ANKRD36: variants seen among roughly 807,000 people sequenced by gnomAD.
ANKRD36 encodes ankyrin repeat domain-containing protein 36A.
A neutral mutation model predicts 278.1 loss-of-function variants in ANKRD36; 179 were observed. The observed-to-expected ratio is 0.64, with a 90% confidence interval of 0.57 to 0.73. The LOEUF (loss-of-function observed/expected upper bound fraction) is 0.73. Ranked by LOEUF, ANKRD36 falls within the 30% of genes least tolerant of loss-of-function variation. The probability of loss-of-function intolerance (pLI) is 0.00; values close to 1 mark genes in which losing one functional copy is unlikely to be tolerated. For synonymous variants in ANKRD36, 320 were observed against 641.1 expected, an observed-to-expected ratio of 0.50 and a Z score of 7.57; for missense variants, 1,159 against 1,956.7, an observed-to-expected ratio of 0.59 and a Z score of 7.69.
rs774857956 is a variant in ANKRD36 at position 97,205,968 on chromosome 2, G to A, written c.3090G>A (p.Lys1030=). The change falls in exon 51 of 76, where the codon AAG becomes AAA. Residue 1030 remains lysine (K), a splice_region_variant and synonymous_variant. Transcript: ENST00000420699. ...TVSSQKPPTL[K]ATSDEEDSVL... is the part of the protein sequence containing the mutation. Reference sequence around the variant, plus strand: ...CTTCTCAGAAACCACCAACCTTGAAGGTAATGAAACTCCCATTTATATTGT... The same window carrying A: ...CTTCTCAGAAACCACCAACCTTGAAAGTAATGAAACTCCCATTTATATTGT... 2.6e-5 allele frequency: 41 copies of A among 1,555,656 alleles called. No homozygotes were observed. In the East Asian group the frequency reaches 9.7e-4, roughly 37 times the overall value.
In ANKRD36 at chr2:97,182,453, A is replaced by C. The variant is rs565476946; in HGVS notation, c.1837+660A>C. 3.8e-4 allele frequency among the ~76,000 whole-genome samples: 56 copies of C among 147,826 alleles called. 1 individual carries two copies. The highest frequency in any genetic ancestry group is 3.4e-3 in the Middle Eastern group (1 of 292). The stretch of plus-strand genomic sequence containing the variant: ...CCTCTTTGTTACTGTTGGGCATCAG[A>C]GATATACGTTTTGTTGATATTAGTT... On this transcript the variant is annotated intron_variant, in intron 26 of 75. Transcript: ENST00000420699.
chr2:97,190,609 C>A (rs2058312815), intron 34 of ANKRD36, among the ~76,000 whole-genome samples: 1 of 151,516 alleles, frequency 6.6e-6, no homozygotes, highest in African/African-American at 2.4e-5. Context: ...GCATGAAAGA[C>A]ATGTGGGATC....
intron 36 of ANKRD36, 129 bp downstream of exon 36, chr2:97,191,310 T>A: frequency 8.7e-7 from 1 of 1,148,762 alleles, no homozygotes; most frequent in Non-Finnish European, 1.2e-6. Context: ...GATTCTTCAT[T>A]TGCAGTAAGT....
At chr2:97,228,269 A>T (rs1429472957) in intron 67 of ANKRD36, among the ~76,000 whole-genome samples, 6 of 151,772 alleles carry the variant, frequency 4.0e-5, no homozygotes, top group African/African-American at 7.3e-5. Flanking sequence ...CTGGTCCTGG[A>T]CTCTTTTTGG....
At chr2:97,150,607 G>C (rs1165730272) in intron 12 of ANKRD36, among the ~76,000 whole-genome samples, 1 of 151,898 alleles carries the variant, frequency 6.6e-6, no homozygotes, top group African/African-American at 2.4e-5. Context: ...TGTTGAGAAT[G>C]TATAAGTTGA....
At chr2:97,196,164 A>G (rs1575659141) in intron 40 of ANKRD36, among the ~76,000 whole-genome samples, 1 of 151,998 alleles carries the variant, frequency 6.6e-6, no homozygotes, top group African/African-American at 2.4e-5. Context: ...GGCATGTTAA[A>G]GAGCATGATG....
chr2:97,158,204 T>C, intron 16 of ANKRD36, 37 bp downstream of exon 16: 6 of 1,398,278 alleles, frequency 4.3e-6, no homozygotes, highest in Non-Finnish European at 4.8e-6. Flanking sequence ...TATTATCTAC[T>C]GAATCTTTTT....
chr2:97,118,402 CA>C lies in ANKRD36; in HGVS notation c.374del (p.Asn125IlefsTer22), dbSNP rs1282784513. 1 of 1,607,898 alleles carries C rather than the reference CA, an allele frequency of 6.2e-7. No homozygotes were observed. Among genetic ancestry groups the C allele is most frequent in the Non-Finnish European group, 8.5e-7 (1 of 1,177,668 alleles). On this transcript the variant is annotated frameshift_variant, in exon 3 of 76. Coordinates refer to ENST00000420699, the MANE Select transcript of ANKRD36 (RefSeq NM_001354587.1). LOFTEE classifies it high-confidence loss of function. ...ATLLLQNGAN[P>X]NITDFFGRTA... is the part of the protein sequence containing the mutation. ...CTTCTGCTGCAAAATGGCGCCAATC[CA>C]AATATTACGGATTTCTTTGGAAGGA...
intron 28 of ANKRD36, among the ~76,000 whole-genome samples, chr2:97,184,200 T>C (rs1363356084): frequency 2.0e-5 from 3 of 151,682 alleles, no homozygotes; most frequent in South Asian, 2.1e-4. Context: ...GTGAACTCAC[T>C]TCAGATGCAT....
At chr2:97,187,258 G>A (rs762918227) in intron 31 of ANKRD36, 32 bp downstream of exon 31, 8 of 1,605,936 alleles carry the variant, frequency 5.0e-6, no homozygotes, top group Non-Finnish European at 3.4e-6. Flanking sequence ...TTGTGAACTA[G>A]TAAATCTATA....
intron 48 of ANKRD36, 34 bp from the exon 49 acceptor site, chr2:97,204,034 A>C: frequency 6.4e-7 from 1 of 1,557,482 alleles, no homozygotes; most frequent in Non-Finnish European, 8.7e-7. Context: ...TCATTTTTAC[A>C]TATGAGTGAT....
At chr2:97,229,001 A>T (rs1212261227) in intron 67 of ANKRD36, among the ~76,000 whole-genome samples, 21 of 152,128 alleles carry the variant, frequency 1.4e-4, no homozygotes, top group African/African-American at 5.1e-4. Context: ...GGTCTGACAG[A>T]CACTTTGTTA....
chr2:97,158,533 T>C (rs1302627630), intron 16 of ANKRD36, 55 bp from the exon 17 acceptor site: 17 of 1,523,560 alleles, frequency 1.1e-5, no homozygotes, highest in Non-Finnish European at 1.4e-5. Flanking sequence ...GGTTCTTATT[T>C]CTTGATTCTT....
chr2:97,125,380 A>C (rs1172655207), intron 5 of ANKRD36, among the ~76,000 whole-genome samples: 3 of 128,514 alleles, frequency 2.3e-5, no homozygotes, highest in Non-Finnish European at 4.9e-5. Flanking sequence ...ACACATACGG[A>C]GCAAATTGAC....
At chr2:97,114,075 G>A (rs2034427082) in intron 1 of ANKRD36, 139 bp downstream of exon 1, 3 of 1,370,766 alleles carry the variant, frequency 2.2e-6, no homozygotes, top group Admixed American at 2.6e-5. Context: ...CGGCTGGGGT[G>A]GGAGTGAGTG....
rs767963493 is a variant in ANKRD36, at chr2:97,164,388, C to T, written c.1459-9C>T. On this transcript the variant is annotated splice_polypyrimidine_tract_variant and intron_variant, in intron 19 of 75. Coordinates refer to ENST00000420699, the MANE Select transcript of ANKRD36 (RefSeq NM_001354587.1). ...ATATGTTAATCATTATGTTGTCAAACCCATTCAGCATACGGTGAAAGACAG... is the reference window on the plus strand; with the variant it reads ...ATATGTTAATCATTATGTTGTCAAATCCATTCAGCATACGGTGAAAGACAG... The T allele has an allele frequency of 3.4e-5, 52 of 1,537,450 alleles. No individual in the cohort carries two copies. Among genetic ancestry groups the T allele is most frequent in the Non-Finnish European group, 4.4e-5 (51 of 1,146,872 alleles).
chr2:97,142,119 T>G (rs1425798421), intron 6 of ANKRD36, among the ~76,000 whole-genome samples: 646 of 145,528 alleles, frequency 4.4e-3, no homozygotes, highest in African/African-American at 0.018. Flanking sequence ...CTGATCAATT[T>G]AGGACACTTC....
intron 1 of ANKRD36, among the ~76,000 whole-genome samples, chr2:97,116,640 T>A (rs1421103038): frequency 2.0e-5 from 3 of 152,244 alleles, no homozygotes; most frequent in African/African-American, 7.2e-5. Flanking sequence ...GCAGAGGGAA[T>A]ATTTTTATTT....
chr2:97,209,872 G>C lies in ANKRD36; in HGVS notation c.3367G>C (p.Val1123Leu). ...AAAGGATGGAGAAAAATCTAGGACA[G>C]GTAATTTTGAAAACAGATTTAATGT... is the stretch of plus-strand genomic sequence containing the variant. ...EKKDGEKSRT[V>L]SSPKQPALKA... is the part of the protein sequence containing the mutation. The change falls in exon 56 of 76, where the codon GTG (valine) becomes CTG (leucine). Residue 1123 changes from valine (V) to leucine (L), a missense_variant and splice_region_variant. Physicochemically the swap from Val to Leu is conservative, Grantham distance 32. Transcript: ENST00000420699. 1 of 1,576,066 alleles carries C rather than the reference G, an allele frequency of 6.3e-7. No homozygotes were observed. The highest frequency in any genetic ancestry group is 1.2e-5 in the South Asian group (1 of 86,340).
Sources: gnomAD v4.1 joint callset for allele counts (sites outside exome capture counted in the v4.1 genomes callset) on GRCh38, gnomAD v4.1.1 for gene constraint, MANE v1.5 for transcripts, NCBI Gene and HGNC (gene_info 2026-07-23, HGNC 2026-07-21) for gene names.